PZP: variants seen among roughly 807,000 people sequenced by gnomAD.
PZP encodes the protein pregnancy zone protein.
PZP carries 150 observed loss-of-function variants against 179.8 expected under a neutral mutation model. That is an observed-to-expected ratio of 0.83 (90% confidence interval 0.73 to 0.96). The LOEUF is 0.96. Ranked by LOEUF, PZP falls within the 40% of genes least tolerant of loss-of-function variation. The pLI is 0.00. For missense variants in PZP, 1,689 were observed against 1,764.0 expected (o/e 0.96, Z 0.76); for synonymous variants, 624 against 652.3 (o/e 0.96, Z 0.66).
intron 1 of PZP, among the ~76,000 whole-genome samples, chr12:9,206,271 A>C (rs1944436261): frequency 6.6e-6 from 1 of 151,542 alleles, no homozygotes; most frequent in East Asian, 1.9e-4. Flanking sequence ...TAATTTATTT[A>C]CTATTTTTAT....
In PZP at chr12:9,196,600, ACTCTAAGC is replaced by A. The variant is rs1456336079; in HGVS notation, c.945_952del (p.Lys315AsnfsTer21). The A allele has an allele frequency of 7.4e-6, 12 of 1,612,314 alleles. No individual in the cohort carries two copies. In the Admixed American group the frequency reaches 2.0e-4, roughly 27 times the overall value. On this transcript the variant is annotated frameshift_variant, in exon 9 of 36. Coordinates refer to ENST00000261336, the MANE Select transcript of PZP (RefSeq NM_002864.3). LOFTEE classifies it high-confidence loss of function. The stretch of plus-strand genomic sequence containing the variant: ...CCCCTCTTCTCTGATCCTGGCTTCC[ACTCTAAGC>A]TTCATTTCAAAGCCCGTATTTGTAA...
chr12:9,180,116 A>G (rs763245786), intron 15 of PZP, among the ~76,000 whole-genome samples: 38 of 152,296 alleles, frequency 2.5e-4, no homozygotes, highest in Middle Eastern at 3.4e-3. Context: ...TTTACTCTCA[A>G]TAGAGGCTTA....
intron 11 of PZP, among the ~76,000 whole-genome samples, chr12:9,193,708 G>T (rs1287571448): frequency 6.6e-6 from 1 of 152,180 alleles, no homozygotes; most frequent in African/African-American, 2.4e-5. Flanking sequence ...TCATTAGACA[G>T]TGTATATTAA....
At chr12:9,199,296 G>A (rs1944016065) in intron 7 of PZP, among the ~76,000 whole-genome samples, 1 of 152,012 alleles carries the variant, frequency 6.6e-6, no homozygotes, top group South Asian at 2.1e-4. Context: ...TGATCTTTAG[G>A]TTTCTCTGTC....
intron 25 of PZP, among the ~76,000 whole-genome samples, chr12:9,158,811 C>A (rs1940965789): frequency 7.0e-6 from 1 of 143,304 alleles, no homozygotes; most frequent in South Asian, 2.2e-4. Flanking sequence ...CCAGCTTGTC[C>A]TTGCTTCCTA....
chr12:9,175,215 G>C (rs557228950), intron 15 of PZP, among the ~76,000 whole-genome samples: 1 of 152,110 alleles, frequency 6.6e-6, no homozygotes, highest in Non-Finnish European at 1.5e-5. Context: ...TGGAGGAAAG[G>C]CCTCCCTATT....
chr12:9,142,843 G>A, the PZP span, among the ~76,000 whole-genome samples: 52 of 152,284 alleles, frequency 3.4e-4, 1 homozygote, highest in East Asian at 8.9e-3. Context: ...GTTCCACAAC[G>A]AAAACAAAGG....
At chr12:9,160,928 A>C (rs1260223770) in intron 23 of PZP, 105 bp downstream of exon 23, 1 of 972,692 alleles carries the variant, frequency 1.0e-6, no homozygotes, top group Non-Finnish European at 1.6e-6. Context: ...AAAATAAAAA[A>C]GAATAGCAGC....
At position 9,164,408 on chromosome 12, in the gene PZP, C is replaced by CATGGCA; in HGVS notation, c.2488-155_2488-150dup. ...ATAGATTCATCCATGCTTTAAGAAG[C>CATGGCA]ATGGCAATGGCAATGATACAAATCA... On this transcript the variant is annotated intron_variant, in intron 19 of 35. Transcript: ENST00000261336. 2.0e-5 allele frequency: 17 copies of CATGGCA among 868,858 alleles called. No homozygotes were observed. In the South Asian group the frequency reaches 3.3e-4, roughly 17 times the overall value. The allele number at this position is 868,858 out of a possible 1,614,324, so 53.8% of individuals were successfully genotyped here.
intron 15 of PZP, among the ~76,000 whole-genome samples, chr12:9,178,817 A>G (rs1858975079): frequency 6.6e-6 from 1 of 152,204 alleles, no homozygotes; most frequent in Non-Finnish European, 1.5e-5. Context: ...ACCCCTGCAG[A>G]TCAGGGGGCA....
intron 27 of PZP, 104 bp from the exon 28 acceptor site, chr12:9,157,459 G>T: frequency 9.1e-7 from 1 of 1,101,404 alleles, no homozygotes; most frequent in Non-Finnish European, 1.3e-6. Flanking sequence ...ATTTCAGACA[G>T]ATAGGCAGAC....
In PZP at chr12:9,165,188, A is replaced by G. The variant is rs2277413; in HGVS notation, c.2438T>C (p.Val813Ala). Residue 813 changes from valine to alanine, a missense_variant, in exon 19 of 36, where the codon GTC (valine) becomes GCC (alanine). By Grantham distance (64) the Val-to-Ala change is moderately conservative. Transcript: ENST00000261336. ...TAGGACCGTGGCCTTGAGTGTGAAG[A>G]CCTCTCCACGAATCACAGAGTAAGG... is the stretch of plus-strand genomic sequence containing the variant. ...TMPYSVIRGEVFTLKATVLNY... is the reference protein window; with the variant it reads ...TMPYSVIRGEAFTLKATVLNY... 494,183 of 1,602,598 alleles carry G rather than the reference A, an allele frequency of 0.31. 80,844 individuals carry two copies. The highest frequency in any genetic ancestry group is 0.51 in the East Asian group (23,035 of 44,748).
rs918188996 is a variant in PZP, at chr12:9,201,157, G to A, written c.502-97C>T. 8 of 1,473,612 alleles carry A rather than the reference G, an allele frequency of 5.4e-6. No individual in the cohort carries two copies. The African/African-American group carries it at 9.8e-5, about 18-fold the overall frequency. The allele number at this position is 1,473,612 out of a possible 1,614,324, so 91.3% of individuals were successfully genotyped here. The stretch of plus-strand genomic sequence containing the variant: ...GAAGGTGATAATTAGCATTGCCTCT[G>A]GAAAGACAAATACAGAAGGAAGAGA... On this transcript the variant is annotated intron_variant, in intron 5 of 35. Transcript: ENST00000261336.
chr12:9,148,822 G>T, downstream of PZP: 1 of 640,134 alleles, frequency 1.6e-6, no homozygotes, highest in South Asian at 2.1e-5. Context: ...TCTGATGAAT[G>T]AATGATGCAA....
At chr12:9,205,756 A>G (rs995131061) in intron 1 of PZP, among the ~76,000 whole-genome samples, 1 of 152,136 alleles carries the variant, frequency 6.6e-6, no homozygotes, top group Non-Finnish European at 1.5e-5. Flanking sequence ...TACTTTTTAA[A>G]TTGTTTTCTG....
intron 1 of PZP, among the ~76,000 whole-genome samples, chr12:9,205,467 C>T (rs917074793): frequency 1.3e-5 from 2 of 152,172 alleles, no homozygotes; most frequent in Non-Finnish European, 2.9e-5. Flanking sequence ...AAGGTACATG[C>T]ATGATACTCT....
intron 20 of PZP, 58 bp from the exon 21 acceptor site, chr12:9,163,847 AG>A: frequency 6.4e-7 from 1 of 1,551,702 alleles, no homozygotes; most frequent in East Asian, 2.2e-5. Context: ...ATCACCTTTA[AG>A]GGCTGCACCT....
downstream of PZP, among the ~76,000 whole-genome samples, chr12:9,145,541 TTTCTC>T (rs1287578222): frequency 6.6e-6 from 1 of 152,250 alleles, no homozygotes; most frequent in South Asian, 2.1e-4. Flanking sequence ...TTTTAATACT[TTTCTC>T]TTTTAACTTT....
intron 10 of PZP, among the ~76,000 whole-genome samples, chr12:9,194,936 A>C (rs1446074290): frequency 6.6e-6 from 1 of 152,150 alleles, no homozygotes; most frequent in Non-Finnish European, 1.5e-5. Context: ...TCTGCGCTTC[A>C]GTTTTCCACC....
Sources: gnomAD v4.1 joint callset for allele counts (sites outside exome capture counted in the v4.1 genomes callset) on GRCh38, gnomAD v4.1.1 for gene constraint, MANE v1.5 for transcripts, NCBI Gene and HGNC (gene_info 2026-07-23, HGNC 2026-07-21) for gene names.